The following EYS variants were observed in gnomAD, a reference collection of about 807,000 sequenced individuals.
EYS encodes EGF-like photoreceptor maintenance factor.
In EYS, 250 loss-of-function variants were observed where a neutral mutation model predicts 282.1. The observed-to-expected ratio is 0.89, with a 90% CI of 0.80 to 0.98. The LOEUF is 0.98. Among genes scored for constraint, EYS ranks in the 50% least tolerant of loss-of-function variants. EYS has a pLI of 0.00. For synonymous variants in EYS, 1,355 were observed against 1,282.9 expected (o/e 1.06, Z -1.20); for missense variants, 4,016 against 3,709.0 (o/e 1.08, Z -2.15).
At chr6:63,759,426 A>T (rs1330631106) in intron 41 of EYS, among the ~76,000 whole-genome samples, 1 of 152,136 alleles carries the variant, frequency 6.6e-6, no homozygotes, top group Admixed American at 6.6e-5. Context: ...CTTGATGTTC[A>T]TATAAACTTC....
intron 29 of EYS, among the ~76,000 whole-genome samples, chr6:64,332,067 G>T (rs1770664752): frequency 6.6e-6 from 1 of 152,176 alleles, no homozygotes; most frequent in Non-Finnish European, 1.5e-5. Flanking sequence ...AATGGAAACT[G>T]CATACAGCTT....
intron 2 of EYS, among the ~76,000 whole-genome samples, chr6:65,638,870 C>CCA (rs1168574032): frequency 6.6e-6 from 1 of 152,208 alleles, no homozygotes; most frequent in African/African-American, 2.4e-5. Context: ...GGCAAACGTG[C>CCA]CACTGGCCAC....
intron 22 of EYS, among the ~76,000 whole-genome samples, chr6:64,719,047 A>G (rs1450345636): frequency 1.3e-5 from 2 of 152,244 alleles, no homozygotes; most frequent in Non-Finnish European, 2.9e-5. Context: ...GCAGCAGAGG[A>G]AAATTCAGTG....
chr6:64,522,555 A>C (rs1335029476), intron 26 of EYS, among the ~76,000 whole-genome samples: 1 of 151,666 alleles, frequency 6.6e-6, no homozygotes, highest in Non-Finnish European at 1.5e-5. Context: ...CCAGTTTGAT[A>C]AACAATTTCC....
At chr6:63,782,687 T>G (rs1770262627) in intron 39 of EYS, among the ~76,000 whole-genome samples, 1 of 152,156 alleles carries the variant, frequency 6.6e-6, no homozygotes, top group Non-Finnish European at 1.5e-5. Flanking sequence ...TTTGTTGATC[T>G]TTTCAAAAAA....
chr6:65,630,989 T>C (rs1394070768), intron 2 of EYS, among the ~76,000 whole-genome samples: 1 of 152,206 alleles, frequency 6.6e-6, no homozygotes, highest in Admixed American at 6.5e-5. Flanking sequence ...TAAAAAGTAA[T>C]ATATTGGTTG....
At chr6:64,413,973 G>A (rs1031550373) in intron 28 of EYS, among the ~76,000 whole-genome samples, 2 of 152,092 alleles carry the variant, frequency 1.3e-5, no homozygotes. Context: ...CTATGAGAAG[G>A]CGTCATCTCT....
At chr6:65,572,789 T>C (rs781068301) in intron 2 of EYS, among the ~76,000 whole-genome samples, 2 of 152,160 alleles carry the variant, frequency 1.3e-5, no homozygotes, top group Non-Finnish European at 2.9e-5. Context: ...TATATTTATA[T>C]ATGTACTCCC....
chr6:65,626,136 G>A (rs1372083222), intron 2 of EYS, among the ~76,000 whole-genome samples: 2 of 152,026 alleles, frequency 1.3e-5, no homozygotes, highest in Admixed American at 6.6e-5. Context: ...TCCTATACAC[G>A]TTTTGAACCT....
At chr6:65,111,416 T>C (rs1187893971) in intron 12 of EYS, among the ~76,000 whole-genome samples, 1 of 152,186 alleles carries the variant, frequency 6.6e-6, no homozygotes, top group South Asian at 2.1e-4. Flanking sequence ...CCTAGCAATA[T>C]AGACAAAATA....
chr6:65,378,385 C>T (rs879962800), intron 8 of EYS, among the ~76,000 whole-genome samples: 2 of 152,130 alleles, frequency 1.3e-5, no homozygotes, highest in Non-Finnish European at 2.9e-5. Flanking sequence ...CAGGAATCAA[C>T]AGATGCTGGA....
chr6:64,663,173 T>C (rs1348057792), intron 22 of EYS, among the ~76,000 whole-genome samples: 1 of 152,192 alleles, frequency 6.6e-6, no homozygotes, highest in African/African-American at 2.4e-5. Context: ...TGATAACAAT[T>C]TTGCTAAAAA....
chr6:65,279,548 T>C (rs1266635095), intron 12 of EYS, among the ~76,000 whole-genome samples: 3 of 152,174 alleles, frequency 2.0e-5, no homozygotes, highest in Non-Finnish European at 4.4e-5. Flanking sequence ...TGTTCATCTG[T>C]GTTTTCTTCT....
intron 28 of EYS, among the ~76,000 whole-genome samples, chr6:64,407,274 A>C (rs555889237): frequency 6.6e-6 from 1 of 151,416 alleles, no homozygotes; most frequent in Admixed American, 6.6e-5. Flanking sequence ...CAGGGAGGGG[A>C]TCATCACACA....
chr6:64,142,184 G>GC (rs960888414), intron 31 of EYS, among the ~76,000 whole-genome samples: 2 of 151,924 alleles, frequency 1.3e-5, no homozygotes, highest in African/African-American at 4.8e-5. Context: ...CCTCTGAGCA[G>GC]CCCCCCGTTT....
At chr6:64,938,337 TGAGAGAGA>T (rs375999442) in intron 15 of EYS, among the ~76,000 whole-genome samples, 84 of 148,422 alleles carry the variant, frequency 5.7e-4, no homozygotes, top group Admixed American at 1.9e-3. Flanking sequence ...TAAGATATTT[TGAGAGAGA>T]GAGAGAGAGA....
At chr6:65,210,931 A>AACACAC (rs59095242) in intron 12 of EYS, among the ~76,000 whole-genome samples, 3,027 of 148,476 alleles carry the variant, frequency 0.02, 104 homozygotes, top group African/African-American at 0.071. Context: ...AAGTCGTACA[A>AACACAC]ACACACACAC....
intron 29 of EYS, among the ~76,000 whole-genome samples, chr6:64,346,689 A>T (rs1771414252): frequency 6.6e-6 from 1 of 151,806 alleles, no homozygotes; most frequent in Non-Finnish European, 1.5e-5. Flanking sequence ...GTACCCTAAA[A>T]CTTAAAGTAT....
At chr6:65,006,455 G>A (rs1009430131) in intron 13 of EYS, among the ~76,000 whole-genome samples, 1 of 121,488 alleles carries the variant, frequency 8.2e-6, no homozygotes, top group Non-Finnish European at 1.6e-5. Flanking sequence ...AACTTTTAGA[G>A]GAAACCTCGT....
Sources: gnomAD v4.1 joint callset for allele counts (sites outside exome capture counted in the v4.1 genomes callset) on GRCh38, gnomAD v4.1.1 for gene constraint, MANE v1.5 for transcripts, NCBI Gene and HGNC (gene_info 2026-07-23, HGNC 2026-07-21) for gene names.